Variants in KLHL1 observed in about 807,000 individuals in gnomAD.
KLHL1 encodes the protein kelch-like protein 1.
Under a neutral mutation model 77.7 loss-of-function variants are expected in KLHL1, and 47 were observed. That is an observed-to-expected ratio of 0.60 (90% CI 0.48 to 0.77). The LOEUF (loss-of-function observed/expected upper bound fraction) is 0.77. KLHL1 is among the 30% of genes least tolerant of loss of function. The pLI is 0.00. For synonymous variants in KLHL1, 360 were observed against 325.2 expected (o/e 1.11, Z -1.15); for missense variants, 925 against 910.8 (o/e 1.02, Z -0.20).
At chr13:70,038,135 C>T (rs541906589) in intron 1 of KLHL1, among the ~76,000 whole-genome samples, 177 of 152,256 alleles carry the variant, frequency 1.2e-3, no homozygotes, top group Non-Finnish European at 2.1e-3. Context: ...TTCAAGAATG[C>T]TATGTATAAA....
chr13:69,932,736 G>A (rs916555347), intron 4 of KLHL1, among the ~76,000 whole-genome samples: 3 of 151,640 alleles, frequency 2.0e-5, no homozygotes, highest in African/African-American at 7.3e-5. Flanking sequence ...TAATGTTTTA[G>A]AAATCGAAGC....
intron 1 of KLHL1, among the ~76,000 whole-genome samples, chr13:69,984,935 C>A (rs185416213): frequency 2.6e-5 from 4 of 152,124 alleles, no homozygotes; most frequent in African/African-American, 9.6e-5. Context: ...ATGGAGAAAC[C>A]TGGTCTCTAC....
chr13:69,959,248 G>T (rs193206942), intron 3 of KLHL1, among the ~76,000 whole-genome samples: 2 of 151,914 alleles, frequency 1.3e-5, no homozygotes, highest in Non-Finnish European at 2.9e-5. Context: ...ACCTAGTTTT[G>T]CACACAGGAA....
rs34074889 is a variant in KLHL1 at position 69,939,340 on chromosome 13, CATATATATATATATATAT to C, written c.1014+682_1014+699del. Among the ~76,000 whole-genome samples, 26 of 60,844 alleles carry C rather than the reference CATATATATATATATATAT, an allele frequency of 4.3e-4. 1 individual carries two copies. The highest frequency in any genetic ancestry group is 2.6e-3 in the South Asian group (4 of 1,538). 39.9% of individuals were successfully genotyped at this position (60,844 alleles called of 152,430 possible). ...ACACTCATATATATACATATACATA[CATATATATATATATATAT>C]ATATATATATATATATATATACACA... On this transcript the variant is annotated intron_variant, in intron 4 of 10. Transcript: ENST00000377844.
intron 7 of KLHL1, among the ~76,000 whole-genome samples, chr13:69,750,748 C>G (rs1246412531): frequency 6.6e-6 from 1 of 151,844 alleles, no homozygotes; most frequent in Non-Finnish European, 1.5e-5. Flanking sequence ...AATTATGTAG[C>G]ATTAAGATTT....
intron 9 of KLHL1, among the ~76,000 whole-genome samples, chr13:69,718,614 A>G (rs541128442): frequency 6.6e-6 from 1 of 152,230 alleles, no homozygotes; most frequent in Admixed American, 6.6e-5. Flanking sequence ...CCTATGTAAT[A>G]GGAAATATTA....
rs1319386179 is a variant in KLHL1, at chr13:69,830,956, AAAAGG to A, written c.1414+8015_1414+8019del. The stretch of plus-strand genomic sequence containing the variant: ...TTTGGGATACAGCAAAATCAATGAT[AAAAGG>A]AAAGTTCATAGTACTAAATGCCTAC... On this transcript the variant is annotated intron_variant, in intron 6 of 10. Transcript: ENST00000377844. Among the ~76,000 whole-genome samples the A allele has an allele frequency of 2.0e-5, 3 of 149,886 alleles. 1 individual carries two copies. Among genetic ancestry groups the A allele is most frequent in the African/African-American group, 7.5e-5 (3 of 39,904 alleles).
intron 1 of KLHL1, among the ~76,000 whole-genome samples, chr13:70,015,237 C>T (rs779473805): frequency 6.6e-6 from 1 of 152,092 alleles, no homozygotes; most frequent in South Asian, 2.1e-4. Flanking sequence ...TAGCCTACTG[C>T]ACACCTAGAC....
intron 6 of KLHL1, among the ~76,000 whole-genome samples, chr13:69,809,910 GATAAA>G (rs1877791686): frequency 6.6e-6 from 1 of 151,412 alleles, no homozygotes; most frequent in South Asian, 2.1e-4. Flanking sequence ...TCGTTTATCA[GATAAA>G]ATAGAGTTTA....
intron 10 of KLHL1, among the ~76,000 whole-genome samples, 181 bp from the exon 11 acceptor site, chr13:69,701,942 G>A (rs779258335): frequency 1.3e-5 from 2 of 151,736 alleles, no homozygotes; most frequent in Admixed American, 6.6e-5. Flanking sequence ...GCCATGATTT[G>A]TATATTGAAA....
Position 70,017,288 on chromosome 13 carries a change from G to A in KLHL1, c.498-41486C>T, listed in dbSNP as rs576189436. 1.2e-4 allele frequency among the ~76,000 whole-genome samples: 18 copies of A among 152,334 alleles called. 1 individual carries two copies. Among genetic ancestry groups the A allele is most frequent in the South Asian group, 8.3e-4 (4 of 4,828 alleles). Reference sequence around the variant, plus strand: ...AAGCCCAAATATAGGGGCTCCCTGAGCCAGGGTTGTGACACCCTCTTTGGG... The same window carrying A: ...AAGCCCAAATATAGGGGCTCCCTGAACCAGGGTTGTGACACCCTCTTTGGG... On this transcript the variant is annotated intron_variant, in intron 1 of 10. Coordinates refer to ENST00000377844, the MANE Select transcript of KLHL1 (RefSeq NM_020866.3).
At chr13:69,840,443 C>G (rs141488761) in intron 5 of KLHL1, among the ~76,000 whole-genome samples, 12,242 of 151,862 alleles carry the variant, frequency 0.081, 933 homozygotes, top group African/African-American at 0.2. Context: ...AGGCTAGTCT[C>G]GAACTCCTGA....
intron 1 of KLHL1, among the ~76,000 whole-genome samples, chr13:70,037,803 TTC>T (rs1316874233): frequency 6.6e-5 from 10 of 152,294 alleles, no homozygotes; most frequent in Admixed American, 3.3e-4. Context: ...TTCAATTATT[TTC>T]TTCACTTCTT....
chr13:69,771,106 T>C (rs1875542367), intron 7 of KLHL1, among the ~76,000 whole-genome samples: 1 of 152,152 alleles, frequency 6.6e-6, no homozygotes, highest in South Asian at 2.1e-4. Flanking sequence ...TTACCAACCT[T>C]TTCTTCTCTG....
chr13:70,024,618 A>ATTTCTCTCTCTCTCTCTTTCTCTC (rs1885886066), intron 1 of KLHL1, among the ~76,000 whole-genome samples: 1 of 62,594 alleles, frequency 1.6e-5, no homozygotes, highest in Admixed American at 1.8e-4. Context: ...AGGAGAAAAG[A>ATTTCTCTCTCTCTCTCTTTCTCTC]TTTCTCTCTC....
intron 8 of KLHL1, among the ~76,000 whole-genome samples, chr13:69,725,700 C>T (rs1041703667): frequency 1.3e-5 from 2 of 152,094 alleles, no homozygotes; most frequent in South Asian, 2.1e-4. Flanking sequence ...CATTTATTAG[C>T]AAGTAGAAAG....
At chr13:70,059,535 A>G (rs1444548031) in intron 1 of KLHL1, among the ~76,000 whole-genome samples, 8 of 152,198 alleles carry the variant, frequency 5.3e-5, no homozygotes, top group African/African-American at 1.7e-4. Context: ...GAGAAATGGG[A>G]TCATATTGAG....
chr13:70,080,199 G>A (rs142634597), intron 1 of KLHL1, among the ~76,000 whole-genome samples: 3 of 152,268 alleles, frequency 2.0e-5, no homozygotes, highest in Admixed American at 2.0e-4. Context: ...TAGTCTGAGT[G>A]CTATCTGATT....
intron 5 of KLHL1, among the ~76,000 whole-genome samples, chr13:69,861,625 C>T (rs1880163412): frequency 6.6e-6 from 1 of 151,524 alleles, no homozygotes; most frequent in African/African-American, 2.4e-5. Context: ...TTTGGCCCAC[C>T]TAACCTCTTA....
Sources: allele counts gnomAD v4.1 joint callset (sites outside exome capture counted in the v4.1 genomes callset), GRCh38; gene constraint gnomAD v4.1.1; transcripts MANE v1.5; gene names NCBI Gene and HGNC (gene_info 2026-07-23, HGNC 2026-07-21).